Variants in NRCAM observed in about 807,000 individuals in gnomAD.
NRCAM encodes NgCAM-related cell adhesion molecule.
A neutral mutation model predicts 156.5 loss-of-function variants in NRCAM; 83 were observed. The observed-to-expected ratio is 0.53, with a 90% CI of 0.44 to 0.64. The LOEUF (loss-of-function observed/expected upper bound fraction) is 0.64. Among genes scored for constraint, NRCAM ranks in the 30% least tolerant of loss-of-function variants. The pLI, the probability that NRCAM is intolerant of heterozygous loss-of-function variation, is 0.00. For synonymous variants in NRCAM, 538 were observed against 563.9 expected (o/e 0.95, Z 0.65); for missense variants, 1,417 against 1,597.3 (o/e 0.89, Z 1.92).
At chr7:108,161,800 T>C (rs1158639725) in intron 30 of NRCAM, among the ~76,000 whole-genome samples, 1 of 152,194 alleles carries the variant, frequency 6.6e-6, no homozygotes, top group East Asian at 1.9e-4. Context: ...TATGGACATA[T>C]GTAGAAGAAA....
intron 2 of NRCAM, among the ~76,000 whole-genome samples, chr7:108,323,784 T>C (rs544917209): frequency 3.3e-5 from 5 of 151,746 alleles, no homozygotes; most frequent in East Asian, 1.9e-4. Flanking sequence ...GGTGAGAAAA[T>C]AGAGTGTGAA....
At chr7:108,239,700 C>T (rs2095404475) in intron 4 of NRCAM, among the ~76,000 whole-genome samples, 1 of 152,092 alleles carries the variant, frequency 6.6e-6, no homozygotes, top group Non-Finnish European at 1.5e-5. Context: ...CAGGCCATCC[C>T]CAGCAGGGCA....
At position 108,184,510 on chromosome 7, in the gene NRCAM, A is replaced by C; in HGVS notation, c.2140T>G (p.Tyr714Asp). 1 of 1,614,156 alleles carries C rather than the reference A, an allele frequency of 6.2e-7. No homozygotes were observed. Among genetic ancestry groups the C allele is most frequent in the Non-Finnish European group, 8.5e-7 (1 of 1,180,030 alleles). The change falls in exon 21 of 33, where the codon TAC becomes GAC. Residue 714 changes from tyrosine to aspartate, a missense_variant. By Grantham distance (160) the Tyr-to-Asp change is radical. Around this residue, in one of 2 missense-constraint regions of NRCAM, gnomAD observed 1,238 missense variants for 1,336.4 expected, o/e 0.93. Coordinates refer to ENST00000379028, the MANE Select transcript of NRCAM (RefSeq NM_001037132.4). ...ATCACGCGGAAGGAGTAGTTCACGT[A>C]AGGAGACAGCTTCAGCTGGGCTGTG... ...QTTAQLKLSP[Y>D]VNYSFRVMAV...
chr7:108,371,049 C>T (rs1027225639), intron 2 of NRCAM, among the ~76,000 whole-genome samples: 2 of 152,080 alleles, frequency 1.3e-5, no homozygotes, highest in African/African-American at 4.8e-5. Context: ...AAATGACCTG[C>T]TAGCTCCTAT....
chr7:108,407,320 T>C (rs1004062508), intron 1 of NRCAM, among the ~76,000 whole-genome samples: 6 of 152,338 alleles, frequency 3.9e-5, no homozygotes, highest in Middle Eastern at 3.4e-3. Flanking sequence ...GCTGCCCTAA[T>C]ATTGGATATT....
At chr7:108,435,060 G>A (rs1312207172) in intron 1 of NRCAM, among the ~76,000 whole-genome samples, 2 of 150,832 alleles carry the variant, frequency 1.3e-5, no homozygotes, top group African/African-American at 2.4e-5. Flanking sequence ...AATAGAAAAT[G>A]TCCCTGAGCA....
chr7:108,167,146 G>A, intron 29 of NRCAM, 73 bp from the exon 30 acceptor site: 1 of 1,169,824 alleles, frequency 8.5e-7, no homozygotes, highest in Non-Finnish European at 1.2e-6. Flanking sequence ...CTTCAAGAAA[G>A]GAAAATTCTT....
intron 30 of NRCAM, among the ~76,000 whole-genome samples, chr7:108,166,243 CTTTT>C (rs897042394): frequency 5.0e-5 from 7 of 140,998 alleles, no homozygotes; most frequent in South Asian, 2.2e-4. Flanking sequence ...GACTTTCTTT[CTTTT>C]CTTTTTTTTT....
intron 1 of NRCAM, among the ~76,000 whole-genome samples, chr7:108,428,947 CTTCTTTT>C (rs1821069008): frequency 1.2e-4 from 11 of 94,468 alleles, no homozygotes; most frequent in Admixed American, 2.2e-4. Flanking sequence ...CTTTTCTTTT[CTTCTTTT>C]TTTTTTTAAA....
chr7:108,337,428 C>T (rs564153451), intron 2 of NRCAM, among the ~76,000 whole-genome samples: 51 of 152,314 alleles, frequency 3.3e-4, no homozygotes, highest in South Asian at 1.2e-3. Context: ...TGTTTGCCAC[C>T]GTTGCAGACC....
intron 32 of NRCAM, among the ~76,000 whole-genome samples, chr7:108,157,108 A>C (rs2045974762): frequency 6.6e-6 from 1 of 152,098 alleles, no homozygotes; most frequent in Non-Finnish European, 1.5e-5. Context: ...AAAAAATTAC[A>C]TCATTGAGTT....
At position 108,191,837 on chromosome 7, in the gene NRCAM, C is replaced by A; in HGVS notation, c.1795G>T (p.Asp599Tyr). 1.2e-6 allele frequency: 2 copies of A among 1,613,506 alleles called. No individual in the cohort carries two copies. Among genetic ancestry groups the A allele is most frequent in the Middle Eastern group, 1.8e-4 (1 of 5,666 alleles). ...PSDERFTVDKDHLVVADVSDD... is the reference protein window; with the variant it reads ...PSDERFTVDKYHLVVADVSDD... ...CTGACATCAGCTACCACTAGATGAT[C>A]CTTGTCAACAGTGAACCTGTGGATA... The change falls in exon 18 of 33, where the codon GAT (aspartate) becomes TAT (tyrosine). Residue 599 changes from aspartate (D) to tyrosine (Y), a missense_variant. Transcript: ENST00000379028.
At chr7:108,292,307 C>T (rs1405503671) in intron 3 of NRCAM, among the ~76,000 whole-genome samples, 4 of 152,166 alleles carry the variant, frequency 2.6e-5, no homozygotes, top group Admixed American at 2.0e-4. Flanking sequence ...TCTGTTGGCA[C>T]TAGATGCTTA....
At chr7:108,417,795 G>A (rs1327371798) in intron 1 of NRCAM, among the ~76,000 whole-genome samples, 1 of 151,770 alleles carries the variant, frequency 6.6e-6, no homozygotes, top group Admixed American at 6.6e-5. Context: ...AGTTACAGAG[G>A]TGACACTGGT....
rs1469027323 is a variant in NRCAM, at chr7:108,237,620, G to A, written c.124+132C>T. 7.1e-6 allele frequency: 4 copies of A among 567,128 alleles called. No homozygotes were observed. The African/African-American group carries it at 7.8e-5, about 11-fold the overall frequency. The allele number at this position is 567,128 out of a possible 1,614,324, so 35.1% of individuals were successfully genotyped here. A position where few individuals can be genotyped will look rare whatever the true frequency, so the allele number is the denominator to read the frequency against. ...TATTGAAATACAATGTTTAGCTACA[G>A]TAAACACACATGCTTAGAAAGACAA... On this transcript the variant is annotated intron_variant, in intron 5 of 32. Coordinates refer to ENST00000379028, the MANE Select transcript of NRCAM (RefSeq NM_001037132.4).
At chr7:108,367,049 T>C (rs2099596068) in intron 2 of NRCAM, among the ~76,000 whole-genome samples, 2 of 152,204 alleles carry the variant, frequency 1.3e-5, no homozygotes, top group African/African-American at 4.8e-5. Flanking sequence ...AATGTTAAAA[T>C]AGCATTTACT....
chr7:108,369,787 T>C (rs1415574607), intron 2 of NRCAM, among the ~76,000 whole-genome samples: 1 of 152,138 alleles, frequency 6.6e-6, no homozygotes, highest in Non-Finnish European at 1.5e-5. Context: ...CTGATTAGCT[T>C]TAACATATAG....
chr7:108,188,192 C>A (rs2068435029), intron 20 of NRCAM, among the ~76,000 whole-genome samples: 1 of 152,140 alleles, frequency 6.6e-6, no homozygotes, highest in Non-Finnish European at 1.5e-5. Flanking sequence ...ACAGTCTACA[C>A]AGGAGGAGTT....
intron 3 of NRCAM, among the ~76,000 whole-genome samples, chr7:108,260,623 C>T (rs1361224322): frequency 1.3e-5 from 2 of 152,116 alleles, no homozygotes; most frequent in South Asian, 2.1e-4. Flanking sequence ...CACCCCCTTG[C>T]TCCTCTGGAT....
Sources: allele counts gnomAD v4.1 joint callset (sites outside exome capture counted in the v4.1 genomes callset), GRCh38; gene constraint gnomAD v4.1.1; regional missense constraint gnomAD v4.1.1; transcripts MANE v1.5; gene names NCBI Gene and HGNC (gene_info 2026-07-23, HGNC 2026-07-21).